Variants in MLIP observed in about 807,000 individuals in gnomAD.
The protein encoded by MLIP is muscular LMNA-interacting protein.
In MLIP, 79 loss-of-function variants were observed where a neutral mutation model predicts 84.8. The observed-to-expected ratio is 0.93, with a 90% confidence interval of 0.78 to 1.12. The LOEUF (loss-of-function observed/expected upper bound fraction) is 1.12. Ranked by LOEUF, MLIP falls within the 50% of genes most tolerant of loss-of-function variation. MLIP has a pLI of 0.00. For synonymous variants in MLIP, 504 were observed against 463.0 expected (o/e 1.09, Z -1.14); for missense variants, 1,257 against 1,160.6 (o/e 1.08, Z -1.21).
chr6:54,168,407 G>A (rs1339889163), intron 8 of MLIP, among the ~76,000 whole-genome samples: 2 of 151,704 alleles, frequency 1.3e-5, no homozygotes, highest in Non-Finnish European at 2.9e-5. Context: ...ATTTTTATCT[G>A]GAAGCGTATA....
At chr6:54,055,911 T>C (rs973318093) in intron 1 of MLIP, among the ~76,000 whole-genome samples, 2 of 152,146 alleles carry the variant, frequency 1.3e-5, no homozygotes, top group African/African-American at 4.8e-5. Flanking sequence ...ATTCCTGCTT[T>C]CATGAAGCTT....
Position 54,136,698 on chromosome 6 carries a change from A to C in MLIP, c.646-17A>C. 1 of 1,454,252 alleles carries C rather than the reference A, an allele frequency of 6.9e-7. No homozygotes were observed. The highest frequency in any genetic ancestry group is 9.1e-7 in the Non-Finnish European group (1 of 1,102,594). 90.1% of individuals were successfully genotyped at this position (1,454,252 alleles called of 1,614,324 possible). A position where few individuals can be genotyped will look rare whatever the true frequency, so the allele number is the denominator to read the frequency against. ...AATAATGTCCTATTTCAATCTGTCT[A>C]TTTCTCTTTCCTCTAGTTAACTTCT... On this transcript the variant is annotated splice_polypyrimidine_tract_variant and intron_variant, in intron 3 of 13. Coordinates refer to ENST00000502396, the MANE Select transcript of MLIP (RefSeq NM_001281747.2).
chr6:54,233,304 T>TTCTCCTAATGCTATCCC (rs1781130618), intron 12 of MLIP, among the ~76,000 whole-genome samples: 2 of 152,134 alleles, frequency 1.3e-5, no homozygotes, highest in African/African-American at 4.8e-5. Context: ...CATTAGGTAT[T>TTCTCCTAATGCTATCCC]TCTCCTAATG....
intron 10 of MLIP, among the ~76,000 whole-genome samples, chr6:54,201,503 C>A (rs1448851728): frequency 6.6e-6 from 1 of 152,184 alleles, no homozygotes; most frequent in Non-Finnish European, 1.5e-5. Context: ...GTAGCTTCTA[C>A]ATGACATACT....
intron 11 of MLIP, chr6:54,215,114 C>T (rs1286357520): frequency 6.6e-7 from 1 of 1,512,304 alleles, no homozygotes; most frequent in Admixed American, 2.0e-5. Context: ...TACTTCCTCA[C>T]TAAAAGCTGT....
chr6:54,193,163 A>T (rs183269796), intron 10 of MLIP, among the ~76,000 whole-genome samples: 75 of 152,324 alleles, frequency 4.9e-4, no homozygotes, highest in African/African-American at 1.8e-3. Flanking sequence ...TTGGAGGTTC[A>T]TGTGAAGCTA....
rs1372819947 is a variant in MLIP, at chr6:54,189,887, A to G, written c.2562A>G (p.Pro854=). The G allele has an allele frequency of 6.2e-7, 1 of 1,603,964 alleles. No individual in the cohort carries two copies. The highest frequency in any genetic ancestry group is 2.2e-5 in the East Asian group (1 of 44,710). The change falls in exon 10 of 14, where the codon CCA becomes CCG. Residue 854 remains proline (P), a synonymous_variant. Coordinates refer to ENST00000502396, the MANE Select transcript of MLIP (RefSeq NM_001281747.2). ...TTTTGCAGGCAAATCTCTCCTCACC[A>G]TCTTCTACAGTATCTGAGAGTCAGC... ...RETKYANLSS[P]SSTVSESQLT...
chr6:54,223,891 G>A (rs1042233310), intron 11 of MLIP, among the ~76,000 whole-genome samples: 2 of 151,804 alleles, frequency 1.3e-5, no homozygotes, highest in Non-Finnish European at 2.9e-5. Context: ...TCAAATTATT[G>A]TCTATTAGAA....
intron 11 of MLIP, chr6:54,215,049 T>G: frequency 1.2e-6 from 1 of 857,190 alleles, no homozygotes; most frequent in Admixed American, 2.3e-5. Context: ...CTCAATATTC[T>G]GGACCCTGGT....
intron 1 of MLIP, among the ~76,000 whole-genome samples, chr6:54,071,393 A>C (rs1766478938): frequency 6.6e-6 from 1 of 152,278 alleles, no homozygotes; most frequent in Non-Finnish European, 1.5e-5. Context: ...AATTTCAAAA[A>C]CTTCCTAAAG....
At chr6:54,086,165 C>G (rs964063576) in intron 1 of MLIP, among the ~76,000 whole-genome samples, 1 of 152,154 alleles carries the variant, frequency 6.6e-6, no homozygotes, top group African/African-American at 2.4e-5. Context: ...TACATTTACT[C>G]CTTGGCTAGG....
chr6:54,214,733 A>C (rs1779728711), intron 11 of MLIP, among the ~76,000 whole-genome samples: 1 of 152,238 alleles, frequency 6.6e-6, no homozygotes, highest in African/African-American at 2.4e-5. Flanking sequence ...TTTAATCCAG[A>C]AACATGAGGA....
chr6:54,209,684 C>T (rs2754813), intron 11 of MLIP, among the ~76,000 whole-genome samples: 20,463 of 151,598 alleles, frequency 0.13, 1,426 homozygotes, highest in African/African-American at 0.2. Context: ...TGTCCTCTAA[C>T]GCTTTGAAAC....
chr6:54,043,885 A>G (rs143671329), intron 1 of MLIP, among the ~76,000 whole-genome samples: 4 of 152,270 alleles, frequency 2.6e-5, no homozygotes, highest in African/African-American at 9.6e-5. Context: ...ATGAGGAGAA[A>G]TCAGGGAGCG....
intron 9 of MLIP, among the ~76,000 whole-genome samples, chr6:54,188,290 A>G (rs1777591086): frequency 6.6e-6 from 1 of 152,182 alleles, no homozygotes; most frequent in Non-Finnish European, 1.5e-5. Flanking sequence ...ACAATAAATT[A>G]ACCTTAGCTT....
intron 1 of MLIP, among the ~76,000 whole-genome samples, chr6:54,040,447 A>G (rs1764679315): frequency 6.6e-6 from 1 of 152,048 alleles, no homozygotes. Context: ...AAAAAAGGGA[A>G]CACTTACACA....
intron 12 of MLIP, among the ~76,000 whole-genome samples, chr6:54,235,569 T>C (rs1562090856): frequency 6.6e-6 from 1 of 152,210 alleles, no homozygotes; most frequent in Non-Finnish European, 1.5e-5. Context: ...TTTCCCACTG[T>C]ATAGGCAAGG....
At chr6:54,212,694 T>C (rs1400836996) in intron 11 of MLIP, among the ~76,000 whole-genome samples, 2 of 152,186 alleles carry the variant, frequency 1.3e-5, no homozygotes, top group Admixed American at 6.5e-5. Context: ...ATCATCAATA[T>C]GATTTATTGT....
intron 11 of MLIP, among the ~76,000 whole-genome samples, chr6:54,212,841 T>TA (rs1428414153): frequency 1.4e-4 from 21 of 152,376 alleles, no homozygotes; most frequent in Admixed American, 8.5e-4. Flanking sequence ...ACATATTTAG[T>TA]GGTTTTTTAA....
Sources: allele counts gnomAD v4.1 joint callset (sites outside exome capture counted in the v4.1 genomes callset), GRCh38; gene constraint gnomAD v4.1.1; transcripts MANE v1.5; gene names NCBI Gene and HGNC (gene_info 2026-07-23, HGNC 2026-07-21).